Variants in RORA observed in about 807,000 individuals in gnomAD.
The protein encoded by RORA is RAR related orphan receptor A.
Under a neutral mutation model 69.5 loss-of-function variants are expected in RORA, and 7 were observed. The observed-to-expected ratio is 0.10, with a 90% confidence interval of 0.06 to 0.19. RORA has a LOEUF of 0.19. Ranked by LOEUF, RORA falls within the 10% of genes least tolerant of loss-of-function variation. RORA has a pLI of 1.00. For synonymous variants in RORA, 261 were observed against 240.8 expected, an observed-to-expected ratio of 1.08 and a Z score of -0.78; for missense variants, 457 against 663.0, an observed-to-expected ratio of 0.69 and a Z score of 3.41.
intron 1 of RORA, among the ~76,000 whole-genome samples, chr15:60,724,321 C>T (rs367728162): frequency 3.3e-5 from 5 of 152,272 alleles, no homozygotes; most frequent in African/African-American, 1.2e-4. Flanking sequence ...CATGTATTTT[C>T]TTGTTTATTC....
At chr15:60,680,511 C>G (rs966268718) in intron 1 of RORA, among the ~76,000 whole-genome samples, 2 of 151,936 alleles carry the variant, frequency 1.3e-5, no homozygotes, top group Non-Finnish European at 2.9e-5. Context: ...TGCTTGATCT[C>G]GGAGGTCGCA....
At chr15:60,903,674 TGAGTGCACACC>T (rs1891453106) in intron 1 of RORA, among the ~76,000 whole-genome samples, 1 of 152,194 alleles carries the variant, frequency 6.6e-6, no homozygotes, top group Non-Finnish European at 1.5e-5. Context: ...AATTCACAGA[TGAGTGCACACC>T]TTATTTGGAA....
intron 5 of RORA, among the ~76,000 whole-genome samples, chr15:60,506,560 A>C (rs2141291359): frequency 6.6e-6 from 1 of 152,320 alleles, no homozygotes; most frequent in Non-Finnish European, 1.5e-5. Context: ...CTGTCAGAAA[A>C]GGAAGAGATT....
chr15:60,942,245 G>A lies in RORA; in HGVS notation c.167-263559C>T, dbSNP rs186107810. Among the ~76,000 whole-genome samples, 638 of 152,254 alleles carry A rather than the reference G, an allele frequency of 4.2e-3. 1 individual carries two copies. The highest frequency in any genetic ancestry group is 6.8e-3 in the Middle Eastern group (2 of 294). ...CTTTCAGACCTTACAACTAGATGTG[G>A]AAACTGAGTCTTAGTGAGTTTATGT... On this transcript the variant is annotated intron_variant, in intron 1 of 10. Transcript: ENST00000335670.
At chr15:60,741,312 C>A (rs368814576) in intron 1 of RORA, among the ~76,000 whole-genome samples, 1 of 152,166 alleles carries the variant, frequency 6.6e-6, no homozygotes. Context: ...GCAGGGGCTG[C>A]GTGCGCTCCC....
intron 1 of RORA, among the ~76,000 whole-genome samples, chr15:60,780,971 C>G (rs1232072711): frequency 6.6e-6 from 1 of 152,176 alleles, no homozygotes; most frequent in Non-Finnish European, 1.5e-5. Flanking sequence ...TTCACAGTAA[C>G]TTTAGTAGGT....
chr15:61,135,192 G>A (rs1447394849), intron 1 of RORA, among the ~76,000 whole-genome samples: 2 of 149,468 alleles, frequency 1.3e-5, no homozygotes, highest in Admixed American at 6.7e-5. Context: ...TTAGCCAAGC[G>A]TGGTGGTACG....
rs1021533022 is a variant in RORA, at chr15:60,488,562, T to C, written c.*8893A>G. 6.6e-6 allele frequency: 1 copy of C among 152,092 alleles called. No homozygotes were observed. Among genetic ancestry groups the C allele is most frequent in the African/African-American group, 2.4e-5 (1 of 41,422 alleles). The allele number at this position is 152,092 out of a possible 1,614,324, so 9.4% of individuals were successfully genotyped here. On this transcript the variant is annotated 3_prime_UTR_variant, in exon 11 of 11. Coordinates refer to ENST00000335670, the MANE Select transcript of RORA (RefSeq NM_134261.3). The stretch of plus-strand genomic sequence containing the variant: ...AAACAGCTGGAAATAAGCAGACTAG[T>C]GTAAGAGTGAATTGAAAAGAAAACC...
intron 1 of RORA, among the ~76,000 whole-genome samples, chr15:60,755,389 G>T (rs564442031): frequency 6.6e-6 from 1 of 151,816 alleles, no homozygotes; most frequent in Non-Finnish European, 1.5e-5. Flanking sequence ...TATCATTGTC[G>T]GACATTTGGG....
intron 1 of RORA, among the ~76,000 whole-genome samples, chr15:61,045,195 A>C (rs1035243233): frequency 7.9e-5 from 12 of 152,074 alleles, no homozygotes; most frequent in Non-Finnish European, 1.3e-4. Flanking sequence ...GGTCTTTCCC[A>C]TGCTGTTCTC....
chr15:61,010,635 T>G (rs1389092454), intron 1 of RORA, among the ~76,000 whole-genome samples: 1 of 152,144 alleles, frequency 6.6e-6, no homozygotes, highest in East Asian at 1.9e-4. Context: ...AAAACATGAT[T>G]TTAATGTGCC....
chr15:60,787,900 G>A (rs1003845550), intron 1 of RORA, among the ~76,000 whole-genome samples: 3 of 152,230 alleles, frequency 2.0e-5, no homozygotes, highest in Non-Finnish European at 4.4e-5. Flanking sequence ...TACTTAAGAA[G>A]TATTGATTGT....
chr15:60,515,752 C>T lies in RORA; in HGVS notation c.283-995G>A, dbSNP rs566844280. 4.3e-5 allele frequency among the ~76,000 whole-genome samples: 6 copies of T among 139,484 alleles called. No homozygotes were observed. In the South Asian group the frequency reaches 6.6e-4, roughly 15 times the overall value. The allele number at this position is 139,484 out of a possible 152,430, so 91.5% of individuals were successfully genotyped here. Reference sequence around the variant, plus strand: ...TTCCAAACACATGGGGGCTTTTTTTCGGGGGAGGGGGCAGGGTCTTGCTCT... The same window carrying T: ...TTCCAAACACATGGGGGCTTTTTTTTGGGGGAGGGGGCAGGGTCTTGCTCT... On this transcript the variant is annotated intron_variant, in intron 3 of 10. Transcript: ENST00000335670.
chr15:61,190,853 A>G (rs1226769238), intron 1 of RORA, among the ~76,000 whole-genome samples: 1 of 152,230 alleles, frequency 6.6e-6, no homozygotes, highest in East Asian at 1.9e-4. Context: ...GTATGGTTTT[A>G]TATATATTTA....
intron 3 of RORA, among the ~76,000 whole-genome samples, chr15:60,516,221 ATTT>A (rs1567052608): frequency 5.2e-4 from 4 of 7,684 alleles, no homozygotes; most frequent in African/African-American, 1.1e-3. Context: ...ATATATATAT[ATTT>A]ATATATATAT....
intron 1 of RORA, among the ~76,000 whole-genome samples, chr15:61,017,963 A>G (rs947771089): frequency 2.0e-5 from 3 of 152,158 alleles, no homozygotes; most frequent in African/African-American, 7.2e-5. Context: ...AAACAAATAA[A>G]TATCATAAAA....
intron 1 of RORA, among the ~76,000 whole-genome samples, chr15:61,228,524 T>G (rs1279132976): frequency 1.2e-5 from 1 of 80,828 alleles, no homozygotes; most frequent in Non-Finnish European, 2.5e-5. Flanking sequence ...GGTCGCTCAC[T>G]CCTCCCGCCC....
intron 2 of RORA, among the ~76,000 whole-genome samples, chr15:60,532,273 A>C (rs1280111437): frequency 1.3e-5 from 2 of 152,192 alleles, no homozygotes; most frequent in Non-Finnish European, 2.9e-5. Flanking sequence ...AATACACTCT[A>C]AAAAGTCAGG....
At chr15:61,109,585 T>C (rs2140778344) in intron 1 of RORA, among the ~76,000 whole-genome samples, 1 of 152,348 alleles carries the variant, frequency 6.6e-6, no homozygotes, top group African/African-American at 2.4e-5. Context: ...CCTGATTAAA[T>C]AGTAAGCATT....
Sources: allele counts gnomAD v4.1 joint callset (sites outside exome capture counted in the v4.1 genomes callset), GRCh38; gene constraint gnomAD v4.1.1; transcripts MANE v1.5; gene names NCBI Gene and HGNC (gene_info 2026-07-23, HGNC 2026-07-21).